Variants in FKTN observed in about 807,000 individuals in gnomAD.
FKTN encodes fukutin, also known as ribitol-5-phosphate transferase FKTN.
A neutral mutation model predicts 58.6 loss-of-function variants in FKTN; 47 were observed. That is an observed-to-expected ratio of 0.80 (90% CI 0.63 to 1.02). The LOEUF (loss-of-function observed/expected upper bound fraction) is 1.02. FKTN is among the 50% of genes least tolerant of loss of function. The pLI, the probability that FKTN is intolerant of heterozygous loss-of-function variation, is 0.00. For missense variants in FKTN, 516 were observed against 537.3 expected, an observed-to-expected ratio of 0.96 and a Z score of 0.39; for synonymous variants, 178 against 191.9, an observed-to-expected ratio of 0.93 and a Z score of 0.60.
chr9:105,604,375 A>T lies in FKTN; in HGVS notation c.530A>T (p.His177Leu), dbSNP rs773322779. 8.1e-6 allele frequency: 13 copies of T among 1,614,036 alleles called. No individual in the cohort carries two copies. The South Asian group carries it at 1.4e-4, about 18-fold the overall frequency. The stretch of plus-strand genomic sequence containing the variant: ...CATGCGATCCACTTGGTAGTCTTTC[A>T]TGAGAGGAGTGGCAACTACCTCTGG... ...ATHAIHLVVFHERSGNYLWHG... is the reference protein window; with the variant it reads ...ATHAIHLVVFLERSGNYLWHG... Residue 177 changes from histidine (H) to leucine (L), a missense_variant, in exon 6 of 11, where the codon CAT (histidine) becomes CTT (leucine). Coordinates refer to ENST00000357998, the MANE Select transcript of FKTN (RefSeq NM_001079802.2).
At chr9:105,624,707 C>T (rs1408023190) in intron 10 of FKTN, among the ~76,000 whole-genome samples, 2 of 151,760 alleles carry the variant, frequency 1.3e-5, no homozygotes, top group Non-Finnish European at 2.9e-5. Context: ...ATACATCTAA[C>T]CCCCTCCCTG....
chr9:105,603,576 C>T (rs1325613756), intron 5 of FKTN: 1 of 152,126 alleles, frequency 6.6e-6, no homozygotes, highest in Non-Finnish European at 1.5e-5. Flanking sequence ...TAAGTGCTGT[C>T]CTTAAATCAA....
At chr9:105,589,667 A>G (rs1488459710) in intron 3 of FKTN, among the ~76,000 whole-genome samples, 1 of 152,206 alleles carries the variant, frequency 6.6e-6, no homozygotes, top group East Asian at 1.9e-4. Flanking sequence ...GCTATTAATG[A>G]ATATTTCATG....
intron 7 of FKTN, among the ~76,000 whole-genome samples, chr9:105,614,915 A>G (rs1336659456): frequency 1.4e-5 from 2 of 141,638 alleles, no homozygotes; most frequent in Non-Finnish European, 3.0e-5. Context: ...AGACAGTCTC[A>G]TTCTGTCGCC....
chr9:105,588,446 G>T (rs115595418), intron 3 of FKTN, among the ~76,000 whole-genome samples: 2 of 152,158 alleles, frequency 1.3e-5, no homozygotes, highest in Non-Finnish European at 2.9e-5. Context: ...AAAGCTTACT[G>T]TGTGCCAAGC....
intron 5 of FKTN, among the ~76,000 whole-genome samples, chr9:105,602,260 A>G (rs1209885261): frequency 1.3e-5 from 2 of 152,226 alleles, no homozygotes; most frequent in African/African-American, 4.8e-5. Context: ...TACACAGGAT[A>G]GATTTTCATA....
chr9:105,585,592 G>T (rs1160529314), intron 3 of FKTN, among the ~76,000 whole-genome samples: 2 of 152,124 alleles, frequency 1.3e-5, no homozygotes, highest in Admixed American at 1.3e-4. Context: ...CAGCGTTTTT[G>T]AACTCAAAGT....
At chr9:105,567,585 G>T (rs1314788096) in intron 1 of FKTN, among the ~76,000 whole-genome samples, 1 of 152,152 alleles carries the variant, frequency 6.6e-6, no homozygotes, top group Non-Finnish European at 1.5e-5. Context: ...AACTTACAAG[G>T]GATGTGAAGG....
intron 2 of FKTN, chr9:105,574,214 A>G (rs1841283317): frequency 6.6e-6 from 1 of 152,138 alleles, no homozygotes; most frequent in East Asian, 1.9e-4. Flanking sequence ...AACAAAAGAC[A>G]TATAAACCTT....
intron 3 of FKTN, among the ~76,000 whole-genome samples, chr9:105,590,662 A>G (rs1280751281): frequency 6.6e-6 from 1 of 152,210 alleles, no homozygotes; most frequent in Admixed American, 6.5e-5. Flanking sequence ...ATTGCTGTTT[A>G]CTGAGATGGA....
chr9:105,633,770 G>A lies in FKTN; in HGVS notation c.1173-1281G>A, dbSNP rs149096741. Among the ~76,000 whole-genome samples the A allele has an allele frequency of 3.9e-3, 590 of 152,258 alleles. 6 individuals carry two copies. The highest frequency in any genetic ancestry group is 0.013 in the African/African-American group (556 of 41,554). On this transcript the variant is annotated intron_variant, in intron 10 of 10. Transcript: ENST00000357998. ...TCATGTATGGCTTTATGTTCATTTGGTAGTAAAACACGATATTCAAAGGCA... is the reference window on the plus strand; with the variant it reads ...TCATGTATGGCTTTATGTTCATTTGATAGTAAAACACGATATTCAAAGGCA...
Position 105,639,976 on chromosome 9 carries a change from T to G in FKTN, c.*4712T>G. 6 of 1,507,204 alleles carry G rather than the reference T, an allele frequency of 4.0e-6. No homozygotes were observed. Among genetic ancestry groups the G allele is most frequent in the Non-Finnish European group, 5.3e-6 (6 of 1,130,144 alleles). 93.4% of individuals were successfully genotyped at this position (1,507,204 alleles called of 1,614,324 possible). On this transcript the variant is annotated 3_prime_UTR_variant, in exon 11 of 11. Transcript: ENST00000357998. The stretch of plus-strand genomic sequence containing the variant: ...AGCCATGATTTGGAGAGGGAAGAAA[T>G]CTGGAATACTTAATTTCATTTAATT...
chr9:105,604,352 T>C lies in FKTN; in HGVS notation c.507T>C (p.His169=), dbSNP rs756766493. 1 of 1,614,182 alleles carries C rather than the reference T, an allele frequency of 6.2e-7. No individual in the cohort carries two copies. Among genetic ancestry groups the C allele is most frequent in the Non-Finnish European group, 8.5e-7 (1 of 1,180,034 alleles). Reference sequence around the variant, plus strand: ...ACTATATCTGCAAACTGGCCACTCATGCGATCCACTTGGTAGTCTTTCATG... The same window carrying C: ...ACTATATCTGCAAACTGGCCACTCACGCGATCCACTTGGTAGTCTTTCATG... ...PLHYICKLAT[H]AIHLVVFHER... is the part of the protein sequence containing the mutation. The change falls in exon 6 of 11, where the codon CAT becomes CAC. Residue 169 remains histidine (H), a synonymous_variant. Coordinates refer to ENST00000357998, the MANE Select transcript of FKTN (RefSeq NM_001079802.2).
At chr9:105,634,330 C>T (rs1275452562) in intron 10 of FKTN, among the ~76,000 whole-genome samples, 1 of 151,980 alleles carries the variant, frequency 6.6e-6, no homozygotes, top group Non-Finnish European at 1.5e-5. Flanking sequence ...GATGGGGTTT[C>T]GTCATGTTGG....
chr9:105,592,845 A>G (rs974935992), intron 3 of FKTN, among the ~76,000 whole-genome samples: 2 of 152,176 alleles, frequency 1.3e-5, no homozygotes, highest in African/African-American at 4.8e-5. Flanking sequence ...CCATATCACT[A>G]TAAGCATCTT....
chr9:105,564,387 T>C, intron 1 of FKTN, among the ~76,000 whole-genome samples: 1 of 152,052 alleles, frequency 6.6e-6, no homozygotes. Context: ...CACAAAGAAG[T>C]TAAAAACCTT....
At chr9:105,573,931 C>CA (rs1368018314) in intron 2 of FKTN, among the ~76,000 whole-genome samples, 185 bp downstream of exon 2, 1 of 152,070 alleles carries the variant, frequency 6.6e-6, no homozygotes, top group Non-Finnish European at 1.5e-5. Context: ...TTGAACAAGG[C>CA]AAAAGCTCAA....
intron 7 of FKTN, among the ~76,000 whole-genome samples, chr9:105,609,723 T>G (rs1263103494): frequency 6.6e-6 from 1 of 152,174 alleles, no homozygotes; most frequent in Non-Finnish European, 1.5e-5. Flanking sequence ...TAGGTTATAC[T>G]TCTTTAGAAG....
At chr9:105,590,688 C>G (rs1029368964) in intron 3 of FKTN, among the ~76,000 whole-genome samples, 2 of 152,058 alleles carry the variant, frequency 1.3e-5, no homozygotes, top group Non-Finnish European at 2.9e-5. Context: ...CTGGGAAGAG[C>G]AAGTTTGAGG....
Sources: allele counts gnomAD v4.1 joint callset (sites outside exome capture counted in the v4.1 genomes callset), GRCh38; gene constraint gnomAD v4.1.1; transcripts MANE v1.5; gene names NCBI Gene and HGNC (gene_info 2026-07-23, HGNC 2026-07-21).